RPIA: variants seen among roughly 807,000 people sequenced by gnomAD.
RPIA encodes the protein ribose-5-phosphate isomerase.
RPIA carries 29 observed loss-of-function variants against 37.8 expected under a neutral mutation model. That is an observed-to-expected ratio of 0.77 (90% CI 0.57 to 1.05). The LOEUF (loss-of-function observed/expected upper bound fraction) is 1.05, where lower values mean the gene tolerates loss of function less well. Among genes scored for constraint, RPIA ranks in the 50% least tolerant of loss-of-function variants. The pLI is 0.00. For synonymous variants in RPIA, 167 were observed against 157.0 expected, an observed-to-expected ratio of 1.06 and a Z score of -0.48; for missense variants, 385 against 413.6, an observed-to-expected ratio of 0.93 and a Z score of 0.60.
At chr2:88,742,507 C>T (rs1047386473) in intron 8 of RPIA, among the ~76,000 whole-genome samples, 1 of 152,070 alleles carries the variant, frequency 6.6e-6, no homozygotes, top group Non-Finnish European at 1.5e-5. Context: ...GTTCTTTTTG[C>T]TTAGTCTTGC....
chr2:88,708,442 C>CA (rs35668500), intron 3 of RPIA, among the ~76,000 whole-genome samples: 38,112 of 151,566 alleles, frequency 0.25, 5,244 homozygotes, highest in East Asian at 0.31. Context: ...ATGTTGTTTC[C>CA]AAAAAAAAGG....
At chr2:88,700,503 T>G (rs931024214) in intron 3 of RPIA, among the ~76,000 whole-genome samples, 12 of 152,014 alleles carry the variant, frequency 7.9e-5, no homozygotes, top group African/African-American at 2.9e-4. Context: ...AATACAAAAA[T>G]TAGCTGGGTG....
rs1422422181 is a variant in RPIA, at chr2:88,729,342, G to C, written c.462+5G>C. On this transcript the variant is annotated splice_donor_5th_base_variant and intron_variant, in intron 4 of 8. Coordinates refer to ENST00000283646, the MANE Select transcript of RPIA (RefSeq NM_144563.3). ...GATCTGGATCGACACCCAGAGGTAA[G>C]ATTGCCACTCAGAGGCAGACCACTG... The C allele has an allele frequency of 9.9e-6, 16 of 1,613,938 alleles. No individual in the cohort carries two copies.
intron 3 of RPIA, among the ~76,000 whole-genome samples, chr2:88,704,726 CAT>C (rs775177994): frequency 6.6e-6 from 1 of 152,192 alleles, no homozygotes; most frequent in East Asian, 1.9e-4. Context: ...TGGCCGGGGC[CAT>C]CAGGCAAGAG....
chr2:88,723,775 A>G (rs1200413642), intron 3 of RPIA, among the ~76,000 whole-genome samples: 1 of 152,102 alleles, frequency 6.6e-6, no homozygotes, highest in African/African-American at 2.4e-5. Context: ...TCCTGACGAC[A>G]TGTGCCCAAG....
intron 7 of RPIA, 75 bp downstream of exon 7, chr2:88,736,751 A>C: frequency 1.3e-6 from 2 of 1,527,336 alleles, no homozygotes; most frequent in Non-Finnish European, 1.8e-6. Context: ...CTTCTGTTGC[A>C]GTTAGGTCAT....
At chr2:88,735,623 T>C in intron 5 of RPIA, 46 bp from the exon 6 acceptor site, 7 of 1,530,130 alleles carry the variant, frequency 4.6e-6, no homozygotes, top group Non-Finnish European at 6.3e-6. Context: ...GTTCCCAAAC[T>C]GAGATTTTTG....
chr2:88,726,935 C>G (rs1229881465), intron 3 of RPIA, among the ~76,000 whole-genome samples: 1 of 152,084 alleles, frequency 6.6e-6, no homozygotes, highest in Non-Finnish European at 1.5e-5. Flanking sequence ...GATGGGGTTT[C>G]ACCATGTTGG....
intron 3 of RPIA, among the ~76,000 whole-genome samples, chr2:88,725,569 G>C (rs1018008024): frequency 1.3e-5 from 2 of 152,220 alleles, no homozygotes; most frequent in Admixed American, 1.3e-4. Flanking sequence ...CTGTGGGCCT[G>C]TTTGTTTCTG....
At chr2:88,727,102 CGCATGTGTGCGCGT>C (rs955310626) in intron 3 of RPIA, among the ~76,000 whole-genome samples, 43 of 151,926 alleles carry the variant, frequency 2.8e-4, no homozygotes, top group African/African-American at 7.2e-4. Context: ...TGTGTGCGCG[CGCATGTGTGCGCGT>C]GCATGTGTGC....
Position 88,750,755 on chromosome 2 carries a change from G to A in RPIA, c.*677G>A, listed in dbSNP as rs137979751. ...AGCAGTTGACCAGAAATGCTTGCCA[G>A]TACTGCCAAAGCACTGCTGTGAAAT... is the stretch of plus-strand genomic sequence containing the variant. On this transcript the variant is annotated 3_prime_UTR_variant, in exon 9 of 9. Transcript: ENST00000283646. The A allele has an allele frequency of 3.5e-5, 14 of 398,844 alleles. No homozygotes were observed. Among genetic ancestry groups the A allele is most frequent in the Middle Eastern group, 1.3e-3 (2 of 1,588 alleles). The allele number at this position is 398,844 out of a possible 1,614,324, so 24.7% of individuals were successfully genotyped here.
rs1163276048 is a variant in RPIA, at chr2:88,750,556, G to GT, written c.*480dup. 5 of 416,158 alleles carry GT rather than the reference G, an allele frequency of 1.2e-5. No homozygotes were observed. The Admixed American group carries it at 1.6e-4, about 13-fold the overall frequency. 25.8% of individuals were successfully genotyped at this position (416,158 alleles called of 1,614,324 possible). On this transcript the variant is annotated 3_prime_UTR_variant, in exon 9 of 9. Coordinates refer to ENST00000283646, the MANE Select transcript of RPIA (RefSeq NM_144563.3). ...TCTGCTACCCTCTGATTTGTTTTTA[G>GT]TTAGTTTTTATTGTGAGCACACATA...
Position 88,700,079 on chromosome 2 carries a change from C to T in RPIA, c.402+15C>T, listed in dbSNP as rs747547256. 2 of 1,613,426 alleles carry T rather than the reference C, an allele frequency of 1.2e-6. No homozygotes were observed. The highest frequency in any genetic ancestry group is 1.7e-6 in the Non-Finnish European group (2 of 1,179,414). On this transcript the variant is annotated intron_variant, in intron 3 of 8. Coordinates refer to ENST00000283646, the MANE Select transcript of RPIA (RefSeq NM_144563.3). ...CTTCCTTCCAGGTATGTCCTGCTTT[C>T]CATCTGCATCGTGACAGCTTCTGCT... is the stretch of plus-strand genomic sequence containing the variant.
At chr2:88,745,444 T>A (rs1467398404) in intron 8 of RPIA, among the ~76,000 whole-genome samples, 1 of 152,236 alleles carries the variant, frequency 6.6e-6, no homozygotes, top group East Asian at 1.9e-4. Context: ...TTAGAACTCA[T>A]TTTAGCATTT....
Position 88,738,080 on chromosome 2 carries a change from A to G in RPIA, c.838+4A>G. On this transcript the variant is annotated splice_donor_region_variant and intron_variant, in intron 8 of 8. Transcript: ENST00000283646. ...ACAGCTATCAAAATGATCCCAGGTA[A>G]CATGAGTGGTGTTCACCAGTCATAT... 1 of 1,607,592 alleles carries G rather than the reference A, an allele frequency of 6.2e-7. No homozygotes were observed. The highest frequency in any genetic ancestry group is 8.5e-7 in the Non-Finnish European group (1 of 1,174,020).
chr2:88,691,805 T>G lies in RPIA; in HGVS notation c.107T>G (p.Leu36Arg). ...ASGGGGNSWD[L>R]PGSHVRLPGR... ...GGCGGAGGAGGGAACAGCTGGGACC[T>G]CCCGGGTTCCCACGTGCGGCTGCCG... The change falls in exon 1 of 9, where the codon CTC becomes CGC. Residue 36 changes from leucine (L) to arginine (R), a missense_variant. Transcript: ENST00000283646. 6.3e-7 allele frequency: 1 copy of G among 1,594,986 alleles called. No homozygotes were observed. The highest frequency in any genetic ancestry group is 8.5e-7 in the Non-Finnish European group (1 of 1,173,130).
intron 1 of RPIA, among the ~76,000 whole-genome samples, chr2:88,692,982 T>A (rs1054297790): frequency 6.6e-6 from 1 of 152,204 alleles, no homozygotes; most frequent in East Asian, 1.9e-4. Flanking sequence ...CTCTTTCCAC[T>A]GCTACCCTGT....
chr2:88,741,868 G>C (rs898461560), intron 8 of RPIA, among the ~76,000 whole-genome samples: 5 of 152,106 alleles, frequency 3.3e-5, no homozygotes, highest in African/African-American at 1.2e-4. Context: ...CTTCTTTTGA[G>C]AATTGTCTAT....
chr2:88,741,470 T>C (rs181210978), intron 8 of RPIA, among the ~76,000 whole-genome samples: 2 of 152,328 alleles, frequency 1.3e-5, no homozygotes. Flanking sequence ...TATCCACTCA[T>C]TGGTTGATAG....
Sources: allele counts gnomAD v4.1 joint callset (sites outside exome capture counted in the v4.1 genomes callset), GRCh38; gene constraint gnomAD v4.1.1; transcripts MANE v1.5; gene names NCBI Gene and HGNC (gene_info 2026-07-23, HGNC 2026-07-21).